TGM3: variants seen among roughly 807,000 people sequenced by gnomAD.
The protein encoded by TGM3 is transglutaminase 3, also known as protein-glutamine gamma-glutamyltransferase E.
Under a neutral mutation model 73.8 loss-of-function variants are expected in TGM3, and 52 were observed. The observed-to-expected ratio is 0.70, with a 90% CI of 0.56 to 0.89. The LOEUF is 0.89. Among genes scored for constraint, TGM3 ranks in the 40% least tolerant of loss-of-function variants. The pLI, the probability that TGM3 is intolerant of heterozygous loss-of-function variation, is 0.00. For missense variants in TGM3, 928 were observed against 909.9 expected (o/e 1.02, Z -0.26); for synonymous variants, 372 against 354.9 (o/e 1.05, Z -0.54).
At chr20:2,333,938 G>A (rs45532533) in intron 10 of TGM3, among the ~76,000 whole-genome samples, 5,961 of 152,250 alleles carry the variant, frequency 0.039, 385 homozygotes, top group African/African-American at 0.13. Flanking sequence ...CACATTTGGG[G>A]CAGGGATGGC....
intron 3 of TGM3, among the ~76,000 whole-genome samples, chr20:2,310,789 T>C (rs1225248338): frequency 6.6e-6 from 1 of 152,178 alleles, no homozygotes; most frequent in Non-Finnish European, 1.5e-5. Context: ...GTCTTATCCC[T>C]GGGGTCTCAT....
Position 2,332,118 on chromosome 20 carries a change from A to G in TGM3, c.1450A>G (p.Ile484Val). 6 of 1,614,236 alleles carry G rather than the reference A, an allele frequency of 3.7e-6. No individual in the cohort carries two copies. The highest frequency in any genetic ancestry group is 5.1e-6 in the Non-Finnish European group (6 of 1,180,036). ...LETEEQEPSI[I>V]GKLKVAGMLA... Reference sequence around the variant, plus strand: ...AACAGAGGAACAGGAGCCCAGCATCATCGGGAAGCTGAAGGTCGCTGGCAT... The same window carrying G: ...AACAGAGGAACAGGAGCCCAGCATCGTCGGGAAGCTGAAGGTCGCTGGCAT... The change falls in exon 10 of 13, where the codon ATC (isoleucine) becomes GTC (valine). Residue 484 changes from isoleucine (I) to valine (V), a missense_variant. Transcript: ENST00000381458. This position sits in a 1 kb window ranked among gnomAD's most constrained non-coding sequence, Gnocchi z 4.4.
intron 7 of TGM3, among the ~76,000 whole-genome samples, chr20:2,321,799 T>C (rs2084264327): frequency 6.6e-6 from 1 of 152,188 alleles, no homozygotes; most frequent in South Asian, 2.1e-4. Flanking sequence ...ATGGCGCCAC[T>C]GGGCATTGGA....
intron 8 of TGM3, 128 bp from the exon 9 acceptor site, chr20:2,327,992 T>C: frequency 7.5e-7 from 1 of 1,340,108 alleles, no homozygotes; most frequent in Non-Finnish European, 1.0e-6. Flanking sequence ...GGACACACAG[T>C]CAGGGGTGAA....
At chr20:2,330,446 A>G (rs1162540031) in intron 9 of TGM3, among the ~76,000 whole-genome samples, 1 of 152,170 alleles carries the variant, frequency 6.6e-6, no homozygotes, top group Non-Finnish European at 1.5e-5. Context: ...CCCACCAGGA[A>G]CTACCAGCTT....
intron 5 of TGM3, among the ~76,000 whole-genome samples, chr20:2,316,438 AT>A (rs5839949): frequency 0.78 from 118,991 of 151,728 alleles, 47,077 homozygotes; most frequent in East Asian, 0.96. Context: ...GGTGGCACGC[AT>A]TAACACCAGT....
chr20:2,336,591 C>T (rs926533488), intron 11 of TGM3, among the ~76,000 whole-genome samples: 3 of 149,344 alleles, frequency 2.0e-5, no homozygotes, highest in South Asian at 2.2e-4. Flanking sequence ...TGATGCCGGG[C>T]CTGGTTCTCC....
At chr20:2,308,982 A>G (rs1407311830) in intron 1 of TGM3, among the ~76,000 whole-genome samples, 1 of 151,250 alleles carries the variant, frequency 6.6e-6, no homozygotes, top group East Asian at 1.9e-4. Flanking sequence ...GATTCAAGTG[A>G]TTCTCCTGCC....
chr20:2,309,783 A>G lies in TGM3; in HGVS notation c.134A>G (p.Asn45Ser). Residue 45 changes from asparagine (N) to serine (S), a missense_variant, in exon 2 of 13, where the codon AAC becomes AGC. Transcript: ENST00000381458. ...GQNFQVLMIMNKGLGSNERLE... is the reference protein window; with the variant it reads ...GQNFQVLMIMSKGLGSNERLE... ...AACTTCCAGGTCTTAATGATCATGA[A>G]CAAAGGCCTTGGCTCTAACGAAAGA... 6.2e-7 allele frequency: 1 copy of G among 1,614,224 alleles called. No individual in the cohort carries two copies. The highest frequency in any genetic ancestry group is 8.5e-7 in the Non-Finnish European group (1 of 1,180,034).
intron 11 of TGM3, among the ~76,000 whole-genome samples, chr20:2,338,308 T>C (rs2084362499): frequency 6.6e-6 from 1 of 152,008 alleles, no homozygotes; most frequent in Non-Finnish European, 1.5e-5. Flanking sequence ...TCTGGGTACA[T>C]TTACAGAGTT....
chr20:2,339,832 C>G (rs1206081029), intron 11 of TGM3, 22 bp from the exon 12 acceptor site: 2 of 1,613,352 alleles, frequency 1.2e-6, no homozygotes, highest in Non-Finnish European at 1.7e-6. Flanking sequence ...AGTCCTGACT[C>G]GGCAGCCCCT....
chr20:2,329,582 A>C (rs1047344765), intron 9 of TGM3, among the ~76,000 whole-genome samples: 2 of 152,012 alleles, frequency 1.3e-5, no homozygotes, highest in Non-Finnish European at 1.5e-5. Flanking sequence ...GATGGGCTGG[A>C]GGTGTGGGGA....
At chr20:2,313,879 A>T (rs1600697312) in intron 5 of TGM3, among the ~76,000 whole-genome samples, 1 of 152,146 alleles carries the variant, frequency 6.6e-6, no homozygotes, top group African/African-American at 2.4e-5. Flanking sequence ...AATTAAAAAA[A>T]AACTAGCCAG....
chr20:2,315,069 C>G (rs2084226100), intron 5 of TGM3, among the ~76,000 whole-genome samples: 1 of 152,162 alleles, frequency 6.6e-6, no homozygotes, highest in Middle Eastern at 3.2e-3. Flanking sequence ...GGAACAGAAT[C>G]TTGAAACCAA....
chr20:2,310,453 C>T (rs1600695084), intron 3 of TGM3, 36 bp downstream of exon 3: 1 of 1,606,136 alleles, frequency 6.2e-7, no homozygotes, highest in East Asian at 2.2e-5. Context: ...CAGCCCTGGC[C>T]TAAGCTAGAA....
intron 1 of TGM3, among the ~76,000 whole-genome samples, chr20:2,302,817 T>G (rs984289045): frequency 6.6e-6 from 1 of 151,764 alleles, no homozygotes; most frequent in Non-Finnish European, 1.5e-5. Flanking sequence ...ACAACCCAGA[T>G]GTCCATCAGC....
At chr20:2,311,218 A>G in intron 4 of TGM3, 89 bp downstream of exon 4, 3 of 1,013,284 alleles carry the variant, frequency 3.0e-6, no homozygotes, top group South Asian at 1.3e-5. Context: ...GAAGTCCCAC[A>G]TCTGTCCATC....
rs377006838 is a variant in TGM3 at position 2,328,563 on chromosome 20, T to C, written c.1333+198T>C. Reference sequence around the variant, plus strand: ...GGAACAAAACCATCACGGGCAGCTGTTGTGCCAGTGGAAGTTTGCTGCAGG... The same window carrying C: ...GGAACAAAACCATCACGGGCAGCTGCTGTGCCAGTGGAAGTTTGCTGCAGG... On this transcript the variant is annotated intron_variant, in intron 9 of 12. Transcript: ENST00000381458. This position sits in a 1 kb window ranked among gnomAD's most constrained non-coding sequence, Gnocchi z 5.2. Among the ~76,000 whole-genome samples the C allele has an allele frequency of 1.3e-5, 2 of 152,214 alleles. No individual in the cohort carries two copies. Among genetic ancestry groups the C allele is most frequent in the Non-Finnish European group, 2.9e-5 (2 of 68,034 alleles).
intron 8 of TGM3, among the ~76,000 whole-genome samples, chr20:2,326,368 C>G (rs2076403): frequency 0.18 from 26,907 of 152,272 alleles, 3,299 homozygotes; most frequent in African/African-American, 0.35. Flanking sequence ...CAAGCTCCCC[C>G]TTAGGCAGGC....
Sources: allele counts gnomAD v4.1 joint callset (sites outside exome capture counted in the v4.1 genomes callset), GRCh38; gene constraint gnomAD v4.1.1; non-coding constraint Gnocchi (gnomAD v3.1); transcripts MANE v1.5; gene names NCBI Gene and HGNC (gene_info 2026-07-23, HGNC 2026-07-21).